Variants in MCPH1 observed in about 807,000 individuals in gnomAD.
MCPH1 encodes the protein microcephalin 1.
MCPH1 carries 104 observed loss-of-function variants against 84.5 expected under a neutral mutation model. The ratio of observed to expected loss-of-function variants is 1.23; its 90% CI spans 1.05 to 1.45. The LOEUF (loss-of-function observed/expected upper bound fraction) is 1.45, where lower values mean the gene tolerates loss of function less well. Ranked by LOEUF, MCPH1 falls within the 40% of genes most tolerant of loss-of-function variation. MCPH1 has a pLI of 0.00. For synonymous variants in MCPH1, 514 were observed against 366.8 expected (o/e 1.40, Z -4.58); for missense variants, 1,498 against 1,005.7 (o/e 1.49, Z -6.62).
At chr8:6,445,863 A>C in intron 8 of MCPH1, 1 of 1,076,940 alleles carries the variant, frequency 9.3e-7, no homozygotes, top group Non-Finnish European at 1.1e-6. Flanking sequence ...TCCTTATTCC[A>C]TTGGAGTCTT....
Position 6,466,136 on chromosome 8 carries a change from T to A in MCPH1, c.1935+10884T>A, listed in dbSNP as rs1256265741. Reference sequence around the variant, plus strand: ...CACCTGGCTAATTTTTGGATTTTTTTTTTTTTTTTTTTTTTTCCTGAGACA... The same window carrying A: ...CACCTGGCTAATTTTTGGATTTTTTATTTTTTTTTTTTTTTTCCTGAGACA... On this transcript the variant is annotated intron_variant, in intron 9 of 13. Coordinates refer to ENST00000344683, the MANE Select transcript of MCPH1 (RefSeq NM_024596.5). Among the ~76,000 whole-genome samples, 276 of 137,264 alleles carry A rather than the reference T, an allele frequency of 2.0e-3. 4 individuals carry two copies. The highest frequency in any genetic ancestry group is 7.2e-3 in the Admixed American group (101 of 13,986). 90.1% of individuals were successfully genotyped at this position (137,264 alleles called of 152,430 possible). A position where few individuals can be genotyped will look rare whatever the true frequency, so the allele number is the denominator to read the frequency against.
At chr8:6,589,802 C>T (rs1027448963) in intron 12 of MCPH1, among the ~76,000 whole-genome samples, 9 of 152,126 alleles carry the variant, frequency 5.9e-5, no homozygotes, top group African/African-American at 1.2e-4. Context: ...ATTATATAGT[C>T]ATGGGAATGC....
intron 6 of MCPH1, 99 bp downstream of exon 6, chr8:6,439,195 G>A (rs934353771): frequency 2.5e-6 from 3 of 1,217,332 alleles, no homozygotes; most frequent in Non-Finnish European, 3.5e-6. Context: ...AATGTTTCCT[G>A]GTAGTAACAC....
intron 8 of MCPH1, chr8:6,446,181 A>G: frequency 1.1e-6 from 1 of 887,628 alleles, no homozygotes; most frequent in Non-Finnish European, 1.4e-6. Context: ...ATTTAATTGT[A>G]ATTATAATAA....
chr8:6,587,739 A>T (rs1828110713), intron 12 of MCPH1, among the ~76,000 whole-genome samples: 1 of 152,214 alleles, frequency 6.6e-6, no homozygotes, highest in African/African-American at 2.4e-5. Flanking sequence ...GAGCTTGGGT[A>T]GATAAGAAAG....
intron 13 of MCPH1, among the ~76,000 whole-genome samples, chr8:6,632,343 G>T (rs919428075): frequency 6.6e-6 from 1 of 152,038 alleles, no homozygotes; most frequent in Non-Finnish European, 1.5e-5. Context: ...TAAATTTTAT[G>T]TTATGTCTAT....
chr8:6,598,178 C>T (rs560282774), intron 12 of MCPH1, among the ~76,000 whole-genome samples: 3 of 152,198 alleles, frequency 2.0e-5, no homozygotes, highest in African/African-American at 7.2e-5. Context: ...GGCGGTCAAT[C>T]AGAGTGAGCA....
chr8:6,540,059 A>G (rs1028411626), intron 12 of MCPH1, among the ~76,000 whole-genome samples: 3 of 152,288 alleles, frequency 2.0e-5, no homozygotes, highest in African/African-American at 2.4e-5. Context: ...TTAATAGTCC[A>G]TGCCTCTCCT....
intron 12 of MCPH1, among the ~76,000 whole-genome samples, chr8:6,512,626 C>G (rs966330613): frequency 2.0e-5 from 3 of 152,176 alleles, no homozygotes; most frequent in Non-Finnish European, 4.4e-5. Context: ...TTCGGAGTGC[C>G]TCTATGTGCC....
intron 12 of MCPH1, among the ~76,000 whole-genome samples, chr8:6,524,520 C>T (rs554129303): frequency 6.0e-4 from 91 of 152,314 alleles, no homozygotes; most frequent in African/African-American, 1.6e-3. Context: ...GTGAAATTGA[C>T]ATACACGTTT....
intron 12 of MCPH1, among the ~76,000 whole-genome samples, chr8:6,558,018 T>G (rs1473005076): frequency 1.3e-5 from 2 of 152,192 alleles, no homozygotes; most frequent in Non-Finnish European, 2.9e-5. Flanking sequence ...TCTCTGTCTC[T>G]CCTGCCCCTG....
In MCPH1 at chr8:6,630,219, G is replaced by A. The variant is rs566661644; in HGVS notation, c.2452+8528G>A. Among the ~76,000 whole-genome samples, 4 of 152,220 alleles carry A rather than the reference G, an allele frequency of 2.6e-5. No homozygotes were observed. The East Asian group carries it at 5.8e-4, about 22-fold the overall frequency. Reference sequence around the variant, plus strand: ...GCAAAAAACTGACTTCTTTGGCTGGGAAAAACTTATAAATATTAAAAATCC... The same window carrying A: ...GCAAAAAACTGACTTCTTTGGCTGGAAAAAACTTATAAATATTAAAAATCC... On this transcript the variant is annotated intron_variant, in intron 13 of 13. Coordinates refer to ENST00000344683, the MANE Select transcript of MCPH1 (RefSeq NM_024596.5).
intron 12 of MCPH1, chr8:6,501,058 C>T (rs573579423): frequency 3.9e-5 from 6 of 152,090 alleles, no homozygotes; most frequent in Non-Finnish European, 8.8e-5. Context: ...GCCATGATAC[C>T]GTTGTTGAAT....
At position 6,439,028 on chromosome 8, in the gene MCPH1, G is replaced by GTCA. The variant is rs766078009; in HGVS notation, c.512_513insTCA (p.Arg171delinsSerGln). On this transcript the variant is annotated protein_altering_variant, in exon 6 of 14. Coordinates refer to ENST00000344683, the MANE Select transcript of MCPH1 (RefSeq NM_024596.5). ...ACTCCCACAATTGAAATTAATAGTA[G>GTCA]GCACCACAGCGCAATGGAGAAGAGA... The GTCA allele has an allele frequency of 2.5e-6, 4 of 1,612,252 alleles. No homozygotes were observed. In the Admixed American group the frequency reaches 6.7e-5, roughly 27 times the overall value.
At chr8:6,437,224 T>G (rs1019092110) in intron 5 of MCPH1, among the ~76,000 whole-genome samples, 1 of 152,104 alleles carries the variant, frequency 6.6e-6, no homozygotes, top group Non-Finnish European at 1.5e-5. Flanking sequence ...AATAGAATTG[T>G]CGAGATTTAT....
At position 6,504,273 on chromosome 8, in the gene MCPH1, G is replaced by A. The variant is rs947199858; in HGVS notation, c.2214+4344G>A. Among the ~76,000 whole-genome samples the A allele has an allele frequency of 1.4e-4, 20 of 141,268 alleles. No homozygotes were observed. The South Asian group carries it at 1.6e-3, about 11-fold the overall frequency. The allele number at this position is 141,268 out of a possible 152,430, so 92.7% of individuals were successfully genotyped here. A position where few individuals can be genotyped will look rare whatever the true frequency, so the allele number is the denominator to read the frequency against. On this transcript the variant is annotated intron_variant, in intron 12 of 13. Transcript: ENST00000344683. Reference sequence around the variant, plus strand: ...GCGGAGCTTGCAGTGAGCCGAGATCGCGCCACTGCACTCCAGCCTGGGCGA... The same window carrying A: ...GCGGAGCTTGCAGTGAGCCGAGATCACGCCACTGCACTCCAGCCTGGGCGA...
At chr8:6,514,908 A>T in intron 12 of MCPH1, 1 of 683,034 alleles carries the variant, frequency 1.5e-6, no homozygotes, top group South Asian at 1.9e-5. Flanking sequence ...TAAGGCACGG[A>T]GTAGACCATC....
chr8:6,463,509 A>G lies in MCPH1; in HGVS notation c.1935+8257A>G, dbSNP rs922888181. The stretch of plus-strand genomic sequence containing the variant: ...GCGGAGGCAGTAGATTGGGAATTAC[A>G]GCTCATTTGGGTGTAGCATCCCCAG... On this transcript the variant is annotated intron_variant, in intron 9 of 13. Coordinates refer to ENST00000344683, the MANE Select transcript of MCPH1 (RefSeq NM_024596.5). 3.3e-5 allele frequency among the ~76,000 whole-genome samples: 5 copies of G among 152,188 alleles called. No individual in the cohort carries two copies. In the South Asian group the frequency reaches 8.3e-4, roughly 25 times the overall value.
chr8:6,630,061 T>C (rs1434202804), intron 13 of MCPH1, among the ~76,000 whole-genome samples: 2 of 152,218 alleles, frequency 1.3e-5, no homozygotes, highest in Non-Finnish European at 2.9e-5. Context: ...AGTCAATTTT[T>C]CTTAAATGTT....
Sources: gnomAD v4.1 joint callset for allele counts (sites outside exome capture counted in the v4.1 genomes callset) on GRCh38, gnomAD v4.1.1 for gene constraint, MANE v1.5 for transcripts, NCBI Gene and HGNC (gene_info 2026-07-23, HGNC 2026-07-21) for gene names.